Variants in CPNE8 observed in about 807,000 individuals in gnomAD.
CPNE8 encodes copine 8.
A neutral mutation model predicts 81.5 loss-of-function variants in CPNE8; 45 were observed. The observed-to-expected ratio is 0.55, with a 90% CI of 0.44 to 0.71. CPNE8 has a LOEUF of 0.71. Ranked by LOEUF, CPNE8 falls within the 30% of genes least tolerant of loss-of-function variation. The pLI, the probability that CPNE8 is intolerant of heterozygous loss-of-function variation, is 0.00. For synonymous variants in CPNE8, 252 were observed against 226.3 expected (o/e 1.11, Z -1.02); for missense variants, 594 against 672.1 (o/e 0.88, Z 1.28).
intron 6 of CPNE8, 39 bp downstream of exon 6, chr12:38,829,340 A>T (rs1458780884): frequency 7.4e-7 from 1 of 1,358,576 alleles, no homozygotes; most frequent in East Asian, 2.3e-5. Context: ...AGAAACTGTT[A>T]AAGTTGGCAT....
chr12:38,711,610 A>T (rs1940259618), intron 13 of CPNE8, among the ~76,000 whole-genome samples: 2 of 152,072 alleles, frequency 1.3e-5, no homozygotes, highest in Non-Finnish European at 2.9e-5. Flanking sequence ...CTGGGATTAC[A>T]GGCATGCGCC....
At chr12:38,892,065 T>C (rs1944321289) in intron 1 of CPNE8, among the ~76,000 whole-genome samples, 4 of 152,254 alleles carry the variant, frequency 2.6e-5, no homozygotes, top group South Asian at 2.1e-4. Context: ...TAGTAAAATA[T>C]CACAAATTGC....
At chr12:38,817,132 G>C (rs74983895) in intron 6 of CPNE8, among the ~76,000 whole-genome samples, 5,209 of 152,264 alleles carry the variant, frequency 0.034, 274 homozygotes, top group East Asian at 0.19. Context: ...GAAAGCCCTA[G>C]AAAACTCTGT....
upstream of CPNE8, chr12:38,905,903 C>G (rs887306769): frequency 1.0e-6 from 1 of 985,222 alleles, no homozygotes; most frequent in Non-Finnish European, 1.2e-6. Context: ...GCACCAGACG[C>G]AGACCCCTAC....
At chr12:38,876,986 C>T (rs181444459) in intron 1 of CPNE8, among the ~76,000 whole-genome samples, 1,654 of 152,252 alleles carry the variant, frequency 0.011, 22 homozygotes, top group South Asian at 0.039. Flanking sequence ...ATTGTGAAGG[C>T]CATTTCATAA....
intron 13 of CPNE8, among the ~76,000 whole-genome samples, chr12:38,711,707 G>A (rs2136711106): frequency 6.6e-6 from 1 of 152,194 alleles, no homozygotes; most frequent in East Asian, 1.9e-4. Context: ...GACCTCAGGT[G>A]ATCCACCCGC....
intron 14 of CPNE8, among the ~76,000 whole-genome samples, chr12:38,700,239 CTTT>C (rs34234420): frequency 7.6e-6 from 1 of 131,194 alleles, no homozygotes; most frequent in African/African-American, 2.8e-5. Flanking sequence ...AAGTCCCCTT[CTTT>C]TTTTTTTTTT....
chr12:38,661,907 A>AG (rs1938963964), intron 19 of CPNE8, among the ~76,000 whole-genome samples: 1 of 152,042 alleles, frequency 6.6e-6, no homozygotes, highest in African/African-American at 2.4e-5. Context: ...CAAAAAAAAA[A>AG]AACACATGAT....
At chr12:38,895,619 C>T (rs1944378741) in intron 1 of CPNE8, among the ~76,000 whole-genome samples, 4 of 152,056 alleles carry the variant, frequency 2.6e-5, no homozygotes, top group Admixed American at 2.6e-4. Flanking sequence ...AATTGCTCTA[C>T]TCAAAGCTCT....
intron 19 of CPNE8, among the ~76,000 whole-genome samples, chr12:38,662,560 C>T (rs1224090495): frequency 6.6e-6 from 1 of 152,108 alleles, no homozygotes; most frequent in Non-Finnish European, 1.5e-5. Flanking sequence ...AATGACCATA[C>T]TACCCAAAGC....
chr12:38,693,886 A>G (rs777543059), intron 14 of CPNE8, 48 bp from the exon 15 acceptor site: 4 of 1,428,228 alleles, frequency 2.8e-6, no homozygotes, highest in African/African-American at 1.4e-5. Flanking sequence ...GGGTAAATAA[A>G]TTTAACAAAA....
At chr12:38,694,464 CTG>C (rs1305956491) in intron 14 of CPNE8, among the ~76,000 whole-genome samples, 7 of 152,192 alleles carry the variant, frequency 4.6e-5, no homozygotes, top group Non-Finnish European at 7.3e-5. Context: ...AATCCTACCA[CTG>C]TGTTTACCCG....
intron 3 of CPNE8, among the ~76,000 whole-genome samples, chr12:38,850,788 C>A (rs1430275909): frequency 6.6e-6 from 1 of 152,210 alleles, no homozygotes; most frequent in Non-Finnish European, 1.5e-5. Context: ...AAGCATTCAA[C>A]ATCTCATTGG....
chr12:38,776,145 A>G (rs1941930296), intron 7 of CPNE8, 93 bp downstream of exon 7: 2 of 550,730 alleles, frequency 3.6e-6, no homozygotes, highest in Non-Finnish European at 3.1e-6. Context: ...CACTTTTGCT[A>G]CAATTACTTA....
At chr12:38,851,539 C>G (rs1046049704) in intron 3 of CPNE8, among the ~76,000 whole-genome samples, 4 of 152,136 alleles carry the variant, frequency 2.6e-5, no homozygotes, top group African/African-American at 4.8e-5. Flanking sequence ...GTTATAACTC[C>G]AAAACATGCC....
intron 4 of CPNE8, among the ~76,000 whole-genome samples, chr12:38,842,562 A>G (rs1373032459): frequency 2.2e-5 from 3 of 137,462 alleles, no homozygotes; most frequent in Admixed American, 1.5e-4. Context: ...AGAAATTAAC[A>G]TTTTTCCTTT....
intron 5 of CPNE8, among the ~76,000 whole-genome samples, chr12:38,837,003 T>C (rs1943392383): frequency 6.6e-6 from 1 of 152,150 alleles, no homozygotes. Context: ...AACTAATCTG[T>C]ATAGTCGACT....
chr12:38,694,746 G>T (rs924948121), intron 14 of CPNE8, among the ~76,000 whole-genome samples: 13 of 152,084 alleles, frequency 8.5e-5, no homozygotes, highest in African/African-American at 3.1e-4. Flanking sequence ...AGTCCATTTG[G>T]TTCCTTAAAT....
chr12:38,717,427 G>C (rs1026330092), intron 13 of CPNE8, among the ~76,000 whole-genome samples: 1 of 69,728 alleles, frequency 1.4e-5, no homozygotes, highest in African/African-American at 5.7e-5. Context: ...AGAAAGTGTG[G>C]TGTATATATA....
Sources: allele counts gnomAD v4.1 joint callset (sites outside exome capture counted in the v4.1 genomes callset), GRCh38; gene constraint gnomAD v4.1.1; transcripts MANE v1.5; gene names NCBI Gene and HGNC (gene_info 2026-07-23, HGNC 2026-07-21).